PDE4D: variants seen among roughly 807,000 people sequenced by gnomAD.
PDE4D encodes 3',5'-cyclic-AMP phosphodiesterase 4D.
In PDE4D, 24 loss-of-function variants were observed where a neutral mutation model predicts 87.4. That is an observed-to-expected ratio of 0.27 (90% CI 0.20 to 0.39). The LOEUF (loss-of-function observed/expected upper bound fraction) is 0.39, where lower values mean the gene tolerates loss of function less well. PDE4D is among the 10% of genes least tolerant of loss of function. The pLI is 1.00. For synonymous variants in PDE4D, 384 were observed against 383.2 expected, an observed-to-expected ratio of 1.00 and a Z score of -0.02; for missense variants, 714 against 1,041.0, an observed-to-expected ratio of 0.69 and a Z score of 4.32.
intron 1 of PDE4D, among the ~76,000 whole-genome samples, chr5:59,570,738 G>C (rs546864309): frequency 1.3e-5 from 2 of 151,952 alleles, no homozygotes; most frequent in African/African-American, 2.4e-5. Context: ...TGATATTATC[G>C]TTGTCTTTAA....
intron 2 of PDE4D, among the ~76,000 whole-genome samples, chr5:60,073,023 C>A (rs1033082500): frequency 2.0e-5 from 3 of 152,038 alleles, no homozygotes; most frequent in Admixed American, 2.0e-4. Context: ...TGCCTGATAG[C>A]TCTGGCCAGG....
chr5:59,470,866 T>C (rs78636794), intron 1 of PDE4D, among the ~76,000 whole-genome samples: 2,334 of 152,190 alleles, frequency 0.015, 33 homozygotes, highest in Non-Finnish European at 0.023. Context: ...TTAAATGAAA[T>C]ATAACTTAAA....
intron 4 of PDE4D, among the ~76,000 whole-genome samples, chr5:59,180,979 A>G (rs1423031269): frequency 6.6e-6 from 1 of 152,226 alleles, no homozygotes; most frequent in Non-Finnish European, 1.5e-5. Flanking sequence ...AATTTGAAAA[A>G]GCAGTCAATT....
At chr5:59,831,707 T>C (rs1338539245) in intron 1 of PDE4D, among the ~76,000 whole-genome samples, 1 of 152,116 alleles carries the variant, frequency 6.6e-6, no homozygotes, top group Non-Finnish European at 1.5e-5. Flanking sequence ...CCACATTCTC[T>C]GAGCTATCTA....
At chr5:59,762,158 G>GTA (rs1461174729) in intron 1 of PDE4D, among the ~76,000 whole-genome samples, 4 of 151,216 alleles carry the variant, frequency 2.6e-5, no homozygotes, top group Non-Finnish European at 5.9e-5. Context: ...GTGTGTGTGT[G>GTA]TATATATAGG....
intron 1 of PDE4D, among the ~76,000 whole-genome samples, chr5:60,330,573 T>G (rs891400499): frequency 1.3e-5 from 2 of 152,080 alleles, no homozygotes; most frequent in Admixed American, 1.3e-4. Flanking sequence ...CCCACACACA[T>G]GGAAGAACTA....
chr5:59,199,962 AC>A (rs1746430558), intron 2 of PDE4D, among the ~76,000 whole-genome samples: 1 of 151,218 alleles, frequency 6.6e-6, no homozygotes. Context: ...ATGTATACAT[AC>A]AGGCACATAC....
chr5:60,486,842 A>T (rs1210922493), intron 1 of PDE4D, among the ~76,000 whole-genome samples: 5 of 152,216 alleles, frequency 3.3e-5, no homozygotes, highest in Non-Finnish European at 7.3e-5. Context: ...AAAGAGGAAA[A>T]ATTAGACAAA....
At chr5:59,810,187 A>C (rs1581210314) in intron 1 of PDE4D, among the ~76,000 whole-genome samples, 1 of 152,218 alleles carries the variant, frequency 6.6e-6, no homozygotes, top group East Asian at 1.9e-4. Context: ...GCGTGGGAAA[A>C]CCCGATTCCG....
intron 1 of PDE4D, among the ~76,000 whole-genome samples, chr5:59,262,647 G>A (rs181554548): frequency 2.7e-4 from 41 of 151,946 alleles, no homozygotes; most frequent in Non-Finnish European, 3.4e-4. Context: ...CATCCCTCCT[G>A]TGGAATCTGC....
At chr5:60,142,017 T>G (rs970242752) in intron 2 of PDE4D, among the ~76,000 whole-genome samples, 13 of 152,154 alleles carry the variant, frequency 8.5e-5, no homozygotes, top group Non-Finnish European at 1.6e-4. Flanking sequence ...GATCATCATT[T>G]GTACAGCAAG....
At chr5:59,884,043 A>G (rs1333054907) in intron 1 of PDE4D, among the ~76,000 whole-genome samples, 1 of 152,144 alleles carries the variant, frequency 6.6e-6, no homozygotes, top group Non-Finnish European at 1.5e-5. Context: ...TATAAAAACA[A>G]CACATGCTCA....
At chr5:59,471,308 T>A (rs1046038105) in intron 1 of PDE4D, among the ~76,000 whole-genome samples, 2 of 152,190 alleles carry the variant, frequency 1.3e-5, no homozygotes, top group East Asian at 3.8e-4. Context: ...GAGCCTGTAT[T>A]GCCATTTTAA....
intron 1 of PDE4D, among the ~76,000 whole-genome samples, chr5:59,385,376 A>AG (rs1786766537): frequency 6.6e-6 from 1 of 152,200 alleles, no homozygotes; most frequent in Admixed American, 6.5e-5. Flanking sequence ...TCTTTACACT[A>AG]GTTCATAGTT....
intron 1 of PDE4D, among the ~76,000 whole-genome samples, chr5:60,265,560 C>T (rs2149711954): frequency 6.6e-6 from 1 of 152,294 alleles, no homozygotes; most frequent in Non-Finnish European, 1.5e-5. Context: ...CAAGCCTTAA[C>T]CTGACACAGT....
chr5:59,574,143 TAAATATATA>T (rs1561242407), intron 1 of PDE4D, among the ~76,000 whole-genome samples: 159 of 5,842 alleles, frequency 0.027, 1 homozygote, highest in Middle Eastern at 0.1. Context: ...TATATATATA[TAAATATATA>T]TTTATATATA....
intron 1 of PDE4D, among the ~76,000 whole-genome samples, chr5:60,399,154 T>C (rs866029043): frequency 3.5e-4 from 54 of 152,210 alleles, no homozygotes; most frequent in African/African-American, 1.3e-3. Context: ...AGAAGGTGTG[T>C]TCACTTCTCC....
chr5:60,233,965 AAC>A (rs1193815076), intron 1 of PDE4D, among the ~76,000 whole-genome samples: 1 of 151,860 alleles, frequency 6.6e-6, no homozygotes, highest in Non-Finnish European at 1.5e-5. Flanking sequence ...ACTTTTAAAA[AAC>A]AGTTTTCTTG....
chr5:59,283,384 G>GT (rs917452590), intron 1 of PDE4D, among the ~76,000 whole-genome samples: 13 of 151,834 alleles, frequency 8.6e-5, no homozygotes, highest in Non-Finnish European at 1.5e-4. Context: ...CACATCTAAG[G>GT]TTTTTTTCTC....
Sources: allele counts gnomAD v4.1 joint callset (sites outside exome capture counted in the v4.1 genomes callset), GRCh38; gene constraint gnomAD v4.1.1; transcripts MANE v1.5; gene names NCBI Gene and HGNC (gene_info 2026-07-23, HGNC 2026-07-21).